Variants in MGST1 observed in about 807,000 individuals in gnomAD.
MGST1 encodes the protein microsomal glutathione S-transferase 1, also known as glutathione S-transferase 12.
MGST1 carries 5 observed loss-of-function variants against 8.9 expected under a neutral mutation model. That is an observed-to-expected ratio of 0.56 (90% CI 0.29 to 1.19). The LOEUF (loss-of-function observed/expected upper bound fraction) is 1.19. Ranked by LOEUF, MGST1 falls within the 50% of genes most tolerant of loss-of-function variation. The pLI is 0.08. For missense variants in MGST1, 182 were observed against 187.4 expected, an observed-to-expected ratio of 0.97 and a Z score of 0.17; for synonymous variants, 54 against 67.8, an observed-to-expected ratio of 0.80 and a Z score of 1.00.
intron 4 of MGST1, among the ~76,000 whole-genome samples, chr12:16,471,942 G>C (rs1362966856): frequency 6.8e-6 from 1 of 147,162 alleles, no homozygotes; most frequent in East Asian, 2.0e-4. Flanking sequence ...CACACACACA[G>C]ACACCAATGT....
At chr12:16,375,497 T>C (rs1046495896) in intron 3 of MGST1, among the ~76,000 whole-genome samples, 10 of 152,058 alleles carry the variant, frequency 6.6e-5, no homozygotes, top group African/African-American at 2.2e-4. Flanking sequence ...TGATTAAACA[T>C]AAATGGTAGG....
Position 16,394,572 on chromosome 12 carries a change from T to C in MGST1, n.778+10968T>C, listed in dbSNP as rs563455326. Among the ~76,000 whole-genome samples, 98 of 78,306 alleles carry C rather than the reference T, an allele frequency of 1.3e-3. 4 individuals carry two copies. The highest frequency in any genetic ancestry group is 3.7e-3 in the African/African-American group (95 of 25,556). The allele number at this position is 78,306 out of a possible 152,430, so 51.4% of individuals were successfully genotyped here. Reference sequence around the variant, plus strand: ...TTTCTTTCTTTCTTTCTTTCTTTCTTTCTTCTCTCTGTCTCTCTTTTTTCT... The same window carrying C: ...TTTCTTTCTTTCTTTCTTTCTTTCTCTCTTCTCTCTGTCTCTCTTTTTTCT... On this transcript the variant is annotated intron_variant and non_coding_transcript_variant, in intron 1 of 1. Transcript: ENST00000359720.
At chr12:16,572,339 C>CTTTTTTTTTTTTTTTTTTTTTTT (rs59773866) in intron 4 of MGST1, among the ~76,000 whole-genome samples, 3 of 89,530 alleles carry the variant, frequency 3.4e-5, no homozygotes, top group Non-Finnish European at 4.2e-5. Context: ...GGTCCAAACT[C>CTTTTTTTTTTTTTTTTTTTTTTT]TTTTTTTTTT....
intron 4 of MGST1, among the ~76,000 whole-genome samples, chr12:16,483,632 T>G (rs2137147789): frequency 6.6e-6 from 1 of 152,302 alleles, no homozygotes; most frequent in Non-Finnish European, 1.5e-5. Flanking sequence ...AAGTTTTGTC[T>G]TTACCAGTTT....
downstream of MGST1, among the ~76,000 whole-genome samples, chr12:16,367,922 T>TTTTTTTTTTTTTTTTTTTAGAC (rs1565440579): frequency 3.9e-5 from 6 of 152,190 alleles, no homozygotes; most frequent in South Asian, 2.1e-4. Context: ...TCCTGTTTCT[T>TTTTTTTTTTTTTTTTTTTAGAC]GGGCTATCCA....
chr12:16,488,445 G>A (rs373169448), intron 4 of MGST1, among the ~76,000 whole-genome samples: 3 of 152,112 alleles, frequency 2.0e-5, no homozygotes, highest in African/African-American at 7.2e-5. Context: ...ATATCTTGAT[G>A]TTCTCTCTGT....
chr12:16,398,071 T>C (rs1345456115), intron 1 of MGST1, among the ~76,000 whole-genome samples: 1 of 145,364 alleles, frequency 6.9e-6, no homozygotes, highest in Non-Finnish European at 1.5e-5. Flanking sequence ...GAGTTTTTTT[T>C]CCATTCTTGG....
exon 2 of MGST1, chr12:16,438,746 G>A (rs1397260134): frequency 6.6e-6 from 1 of 151,534 alleles, no homozygotes; most frequent in East Asian, 2.0e-4. Context: ...CTCGATTTTT[G>A]TGGGTGAAAG....
At chr12:16,484,573 A>G (rs1591742228) in intron 4 of MGST1, among the ~76,000 whole-genome samples, 1 of 152,276 alleles carries the variant, frequency 6.6e-6, no homozygotes, top group East Asian at 1.9e-4. Context: ...GGTCTCAGGA[A>G]ACTTATAACC....
chr12:16,397,339 C>T (rs59597094), intron 1 of MGST1, among the ~76,000 whole-genome samples: 156 of 152,144 alleles, frequency 1.0e-3, no homozygotes, highest in African/African-American at 3.6e-3. Flanking sequence ...AAGATAACAT[C>T]GGGAAAACCC....
intron 4 of MGST1, among the ~76,000 whole-genome samples, chr12:16,505,428 A>C (rs904504168): frequency 6.6e-6 from 1 of 152,066 alleles, no homozygotes; most frequent in Non-Finnish European, 1.5e-5. Flanking sequence ...CCCTCCCTGT[A>C]AGCTTCTCTT....
Position 16,584,752 on chromosome 12 carries a change from G to A in MGST1, n.483-4776G>A, listed in dbSNP as rs894739731. On this transcript the variant is annotated intron_variant and non_coding_transcript_variant, in intron 4 of 4. Transcript: ENST00000538857. The surrounding 1 kb of genome is among the most constrained non-coding windows in gnomAD (Gnocchi z 5.2). ...CTTTTATCAGGACGGGCTGCTTCTC[G>A]CCTCACAAAGCAGTGCCAAGACTCC... 5.9e-5 allele frequency among the ~76,000 whole-genome samples: 9 copies of A among 152,234 alleles called. No individual in the cohort carries two copies. The highest frequency in any genetic ancestry group is 1.2e-4 in the African/African-American group (5 of 41,544).
Position 16,364,169 on chromosome 12 carries a change from T to G in MGST1, c.*128T>G. 7.2e-7 allele frequency: 1 copy of G among 1,383,064 alleles called. No individual in the cohort carries two copies. Among genetic ancestry groups the G allele is most frequent in the Non-Finnish European group, 9.4e-7 (1 of 1,066,004 alleles). The allele number at this position is 1,383,064 out of a possible 1,614,324, so 85.7% of individuals were successfully genotyped here. ...AATTATGAACTGGGGTAAACCCATT[T>G]TGAATATTAGCATTGCCAATATCCT... On this transcript the variant is annotated 3_prime_UTR_variant, in exon 4 of 4. Coordinates refer to ENST00000396210, the MANE Select transcript of MGST1 (RefSeq NM_020300.5). This position sits in a 1 kb window ranked among gnomAD's most constrained non-coding sequence, Gnocchi z 5.7.
chr12:16,482,451 T>G lies in MGST1; in HGVS notation n.482+98847T>G, dbSNP rs1941370589. ...TTCCAGATCAGCCTGGCCAAGAGGGTGAAACACCGTCTCTACTAAAAATAC... is the reference window on the plus strand; with the variant it reads ...TTCCAGATCAGCCTGGCCAAGAGGGGGAAACACCGTCTCTACTAAAAATAC... On this transcript the variant is annotated intron_variant and non_coding_transcript_variant, in intron 4 of 4. Coordinates refer to the MGST1 transcript ENST00000538857. This position sits in a 1 kb window ranked among gnomAD's most constrained non-coding sequence, Gnocchi z 4.2. Among the ~76,000 whole-genome samples, 1 of 151,748 alleles carries G rather than the reference T, an allele frequency of 6.6e-6. No individual in the cohort carries two copies.
rs1409497812 is a variant in MGST1, at chr12:16,369,804, C to A, written c.222-6318C>A. 1.3e-5 allele frequency: 2 copies of A among 152,108 alleles called. No homozygotes were observed. Among genetic ancestry groups the A allele is most frequent in the Admixed American group, 1.3e-4 (2 of 15,270 alleles). The allele number at this position is 152,108 out of a possible 1,614,324, so 9.4% of individuals were successfully genotyped here. ...TGACTGTGCTATCACAGCATAGGAG[C>A]AAGACAGGAAATGGAACTGCATAAA... On this transcript the variant is annotated intron_variant, in intron 3 of 3. Coordinates refer to the MGST1 transcript ENST00000535309. This position sits in a 1 kb window ranked among gnomAD's most constrained non-coding sequence, Gnocchi z 4.8.
chr12:16,563,471 C>T (rs1197171746), intron 4 of MGST1, among the ~76,000 whole-genome samples: 1 of 152,170 alleles, frequency 6.6e-6, no homozygotes, highest in Non-Finnish European at 1.5e-5. Flanking sequence ...AAGCATAAGA[C>T]AGGCATAGTT....
At chr12:16,529,082 A>G (rs1400500511) in intron 4 of MGST1, among the ~76,000 whole-genome samples, 2 of 152,030 alleles carry the variant, frequency 1.3e-5, no homozygotes, top group Non-Finnish European at 2.9e-5. Flanking sequence ...AGATATGACT[A>G]CTAATTTCAG....
chr12:16,397,531 A>C (rs898887715), intron 1 of MGST1, among the ~76,000 whole-genome samples: 1 of 152,174 alleles, frequency 6.6e-6, no homozygotes, highest in African/African-American at 2.4e-5. Context: ...TATCCATCCA[A>C]CAAAGAACTA....
intron 1 of MGST1, among the ~76,000 whole-genome samples, chr12:16,416,660 TC>T (rs1940790373): frequency 6.6e-6 from 1 of 152,050 alleles, no homozygotes. Context: ...CCAAATACCA[TC>T]ACATTGGAGA....
Sources: allele counts gnomAD v4.1 joint callset (sites outside exome capture counted in the v4.1 genomes callset), GRCh38; gene constraint gnomAD v4.1.1; non-coding constraint Gnocchi (gnomAD v3.1); transcripts MANE v1.5; gene names NCBI Gene and HGNC (gene_info 2026-07-23, HGNC 2026-07-21).